HOXB3: variants seen among roughly 807,000 people sequenced by gnomAD.
HOXB3 encodes homeobox protein Hox-B3.
A neutral mutation model predicts 29.2 loss-of-function variants in HOXB3; 17 were observed. The ratio of observed to expected loss-of-function variants is 0.58; its 90% CI spans 0.40 to 0.87. The LOEUF is 0.87. HOXB3 is among the 40% of genes least tolerant of loss of function. HOXB3 has a pLI of 0.00. For synonymous variants in HOXB3, 317 were observed against 285.9 expected, an observed-to-expected ratio of 1.11 and a Z score of -1.10; for missense variants, 637 against 616.3, an observed-to-expected ratio of 1.03 and a Z score of -0.35.
chr17:48,553,623 A>G (rs1272651302), intron 3 of HOXB3: 2 of 152,238 alleles, frequency 1.3e-5, no homozygotes, highest in East Asian at 1.9e-4. Context: ...GAGGAAAAAA[A>G]AATTAACAAA....
chr17:48,578,599 C>A, intron 1 of HOXB3: 1 of 378,960 alleles, frequency 2.6e-6, no homozygotes, highest in Non-Finnish European at 4.7e-6. Flanking sequence ...GCGGGGCGAC[C>A]CCCTCCTTGC....
At position 48,550,290 on chromosome 17, in the gene HOXB3, T is replaced by C; in HGVS notation, c.*44A>G. 2 of 1,611,818 alleles carry C rather than the reference T, an allele frequency of 1.2e-6. No individual in the cohort carries two copies. Among genetic ancestry groups the C allele is most frequent in the Non-Finnish European group, 1.7e-6 (2 of 1,179,578 alleles). ...GGTTGCCCCCCAGAGCTCCACAGTC[T>C]CTCTCTTCCTCCCCATCCCCTAATC... is the stretch of plus-strand genomic sequence containing the variant. On this transcript the variant is annotated 3_prime_UTR_variant, in exon 5 of 5. Transcript: ENST00000498678.
At chr17:48,586,030 G>A (rs1187583522) in intron 1 of HOXB3, among the ~76,000 whole-genome samples, 1 of 152,220 alleles carries the variant, frequency 6.6e-6, no homozygotes, top group African/African-American at 2.4e-5. Context: ...ACCAAAACCA[G>A]CCGCTGTGCT....
rs540090593 is a variant in HOXB3 at position 48,567,795 on chromosome 17, C to T, written c.-247+6042G>A. On this transcript the variant is annotated intron_variant, in intron 2 of 4. Transcript: ENST00000498678. Reference sequence around the variant, plus strand: ...CACTTTAGCCCCAAACACAGAGTCCCTCACTGCTGAGGAAACTTTTCTTTG... The same window carrying T: ...CACTTTAGCCCCAAACACAGAGTCCTTCACTGCTGAGGAAACTTTTCTTTG... 3.3e-5 allele frequency among the ~76,000 whole-genome samples: 5 copies of T among 152,318 alleles called. No individual in the cohort carries two copies. The South Asian group carries it at 1.0e-3, about 32-fold the overall frequency.
chr17:48,583,381 A>G (rs1459584980), intron 1 of HOXB3, among the ~76,000 whole-genome samples: 1 of 152,212 alleles, frequency 6.6e-6, no homozygotes, highest in African/African-American at 2.4e-5. Context: ...TCAAGAAGGC[A>G]TTTAAAATAG....
chr17:48,578,620 C>G (rs2069851637), intron 1 of HOXB3: 1 of 358,020 alleles, frequency 2.8e-6, no homozygotes, highest in Non-Finnish European at 5.1e-6. Context: ...CTCGCTCTCT[C>G]CGGGATCAGA....
Position 48,573,843 on chromosome 17 carries a change from GCCTCTCGCCT to G in HOXB3, c.-263_-254del, listed in dbSNP as rs1191404187. On this transcript the variant is annotated 5_prime_UTR_variant, in exon 2 of 5. An upstream open reading frame in the 5' UTR gains an earlier in-frame stop. Transcript: ENST00000498678. ...CGGGCCCGGGCTTTGTTACCTTTGC[GCCTCTCGCCT>G]CCTCTCGCCCGAACTCTGCAGATCC... 8.5e-6 allele frequency: 6 copies of G among 702,174 alleles called. No homozygotes were observed. Among genetic ancestry groups the G allele is most frequent in the Non-Finnish European group, 1.6e-5 (6 of 384,790 alleles). The allele number at this position is 702,174 out of a possible 1,614,324, so 43.5% of individuals were successfully genotyped here. A position where few individuals can be genotyped will look rare whatever the true frequency, so the allele number is the denominator to read the frequency against.
chr17:48,574,150 C>T, intron 1 of HOXB3, 136 bp from the exon 2 acceptor site: 4 of 372,316 alleles, frequency 1.1e-5, no homozygotes, highest in South Asian at 4.5e-5. Context: ...CCATAGAAAT[C>T]TTTTTTTTTT....
At chr17:48,578,490 C>T (rs1440392215) in intron 1 of HOXB3, 1 of 783,322 alleles carries the variant, frequency 1.3e-6, no homozygotes, top group Non-Finnish European at 1.9e-6. Flanking sequence ...AGGAAATCTG[C>T]TCACCCGGAC....
intron 2 of HOXB3, among the ~76,000 whole-genome samples, chr17:48,572,587 T>A (rs914750761): frequency 6.6e-6 from 1 of 151,548 alleles, no homozygotes; most frequent in East Asian, 1.9e-4. Context: ...GACCTGGGAG[T>A]GGTTGCGGGG....
Position 48,550,490 on chromosome 17 carries a change from A to T in HOXB3, c.1140T>A (p.Pro380=). The change falls in exon 5 of 5, where the codon CCT becomes CCA. Residue 380 remains proline, a synonymous_variant. Coordinates refer to ENST00000498678, the MANE Select transcript of HOXB3 (RefSeq NM_001384749.1). ...LYGLNHLSHH[P]SGNLDYNGAP... ...CCCCGTTGTAGTCCAGGTTCCCGGA[A>T]GGGTGATGGGAAAGGTGGTTGAGGC... The T allele has an allele frequency of 6.2e-7, 1 of 1,603,422 alleles. No homozygotes were observed. The highest frequency in any genetic ancestry group is 2.3e-5 in the East Asian group (1 of 44,436).
intron 2 of HOXB3, among the ~76,000 whole-genome samples, chr17:48,569,746 G>A (rs2069520015): frequency 6.6e-6 from 1 of 152,092 alleles, no homozygotes; most frequent in Non-Finnish European, 1.5e-5. Flanking sequence ...TAAATAATGG[G>A]GCTTCTGGCT....
chr17:48,567,885 G>T (rs1214174877), intron 2 of HOXB3, among the ~76,000 whole-genome samples: 1 of 152,166 alleles, frequency 6.6e-6, no homozygotes, highest in Admixed American at 6.5e-5. Context: ...TAGCCAGGAG[G>T]GTGGGGAGCC....
chr17:48,562,047 C>T (rs370942693), intron 2 of HOXB3, among the ~76,000 whole-genome samples: 24 of 152,156 alleles, frequency 1.6e-4, no homozygotes, highest in African/African-American at 5.1e-4. Context: ...AGCACCAACC[C>T]GATGCCTGGC....
At chr17:48,564,930 G>C (rs2069339140) in intron 2 of HOXB3, among the ~76,000 whole-genome samples, 1 of 152,222 alleles carries the variant, frequency 6.6e-6, no homozygotes, top group Non-Finnish European at 1.5e-5. Flanking sequence ...GTAGGAACTT[G>C]CTTTCTCTTT....
At position 48,554,103 on chromosome 17, in the gene HOXB3, G is replaced by A. The variant is rs2068867262; in HGVS notation, c.-159+1428C>T. Among the ~76,000 whole-genome samples the A allele has an allele frequency of 1.3e-5, 2 of 152,166 alleles. No individual in the cohort carries two copies. The highest frequency in any genetic ancestry group is 6.5e-5 in the Admixed American group (1 of 15,278). ...TCTGCAAAGCAGCAGGTCCTTCCAG[G>A]GAGAACCAGAGTTCAATTGACCAGG... On this transcript the variant is annotated intron_variant, in intron 3 of 4. Coordinates refer to ENST00000498678, the MANE Select transcript of HOXB3 (RefSeq NM_001384749.1). This position sits in a 1 kb window ranked among gnomAD's most constrained non-coding sequence, Gnocchi z 4.1.
intron 2 of HOXB3, among the ~76,000 whole-genome samples, chr17:48,561,817 T>C (rs2069207706): frequency 6.6e-6 from 1 of 152,230 alleles, no homozygotes; most frequent in Admixed American, 6.5e-5. Context: ...TCCTTGGGCC[T>C]GAGTGTCCCC....
chr17:48,566,719 CCCTCCT>C (rs901548599), intron 2 of HOXB3, among the ~76,000 whole-genome samples: 2 of 152,114 alleles, frequency 1.3e-5, no homozygotes, highest in Non-Finnish European at 2.9e-5. Flanking sequence ...TCTGTCATGT[CCCTCCT>C]CCTCCCCATG....
intron 2 of HOXB3, among the ~76,000 whole-genome samples, chr17:48,573,408 G>A (rs1460207587): frequency 6.6e-6 from 1 of 152,130 alleles, no homozygotes; most frequent in Non-Finnish European, 1.5e-5. Flanking sequence ...ACAGGCATAG[G>A]GGACACCAGT....
Sources: gnomAD v4.1 joint callset for allele counts (sites outside exome capture counted in the v4.1 genomes callset) on GRCh38, gnomAD v4.1.1 for gene constraint, Gnocchi (gnomAD v3.1) non-coding constraint, MANE v1.5 for transcripts, NCBI Gene and HGNC (gene_info 2026-07-23, HGNC 2026-07-21) for gene names.